Variants in ASTN2 observed in about 807,000 individuals in gnomAD.
ASTN2 encodes the protein astrotactin 2, also known as astrotactin-2.
In ASTN2, 54 loss-of-function variants were observed where a neutral mutation model predicts 139.8. That is an observed-to-expected ratio of 0.39 (90% CI 0.31 to 0.48). The LOEUF (loss-of-function observed/expected upper bound fraction) is 0.48. Ranked by LOEUF, ASTN2 falls within the 20% of genes least tolerant of loss-of-function variation. The pLI is 0.95. For synonymous variants in ASTN2, 756 were observed against 719.5 expected (o/e 1.05, Z -0.81); for missense variants, 1,565 against 1,725.1 (o/e 0.91, Z 1.64).
intron 1 of ASTN2, among the ~76,000 whole-genome samples, chr9:117,328,774 G>T (rs927888892): frequency 2.0e-5 from 3 of 152,164 alleles, no homozygotes; most frequent in Non-Finnish European, 4.4e-5. Context: ...CTGCCCCATG[G>T]ATGACCCAGC....
intron 6 of ASTN2, among the ~76,000 whole-genome samples, chr9:117,010,146 G>C (rs1408558686): frequency 2.0e-5 from 3 of 152,078 alleles, no homozygotes; most frequent in Non-Finnish European, 4.4e-5. Flanking sequence ...TTTCAAGTTG[G>C]CCCTAAAGTC....
intron 1 of ASTN2, among the ~76,000 whole-genome samples, chr9:117,340,229 G>A (rs1829022079): frequency 6.6e-6 from 1 of 150,694 alleles, no homozygotes; most frequent in African/African-American, 2.4e-5. Flanking sequence ...CGACTCGGGA[G>A]GCTGAGGCAG....
chr9:116,803,445 A>T (rs1423286328), intron 13 of ASTN2, among the ~76,000 whole-genome samples: 1 of 140,326 alleles, frequency 7.1e-6, no homozygotes, highest in Non-Finnish European at 1.5e-5. Context: ...CCTCCCAAGT[A>T]GCTGGGACTA....
chr9:117,410,343 G>T, intron 1 of ASTN2, among the ~76,000 whole-genome samples: 1 of 152,038 alleles, frequency 6.6e-6, no homozygotes, highest in East Asian at 1.9e-4. Context: ...AGAAGCCCTG[G>T]GCTGGCAGTT....
intron 1 of ASTN2, among the ~76,000 whole-genome samples, chr9:117,332,499 G>C (rs1238147229): frequency 6.6e-6 from 1 of 152,196 alleles, no homozygotes; most frequent in Middle Eastern, 3.2e-3. Flanking sequence ...CAGAGAGGCA[G>C]AGTTTGCAGT....
Position 116,699,416 on chromosome 9 carries a change from T to A in ASTN2, c.2806+26355A>T. On this transcript the variant is annotated intron_variant, in intron 16 of 22. Coordinates refer to ENST00000313400, the MANE Select transcript of ASTN2 (RefSeq NM_001365068.1). The surrounding 1 kb of genome is among the most constrained non-coding windows in gnomAD (Gnocchi z 4.2). ...TTTCCATTGGCTCTGTAGGCCCTGA[T>A]GGGCAGCTGGGTCGCCAGATTAGCC... 1 of 1,614,152 alleles carries A rather than the reference T, an allele frequency of 6.2e-7. No individual in the cohort carries two copies. Among genetic ancestry groups the A allele is most frequent in the Non-Finnish European group, 8.5e-7 (1 of 1,180,020 alleles).
chr9:116,798,274 C>T (rs900092025), intron 13 of ASTN2, among the ~76,000 whole-genome samples: 4 of 152,186 alleles, frequency 2.6e-5, no homozygotes, highest in African/African-American at 9.6e-5. Flanking sequence ...CTGTCCCAGA[C>T]AGACAAACAA....
chr9:116,667,458 A>C (rs1858935672), intron 16 of ASTN2, among the ~76,000 whole-genome samples: 1 of 152,228 alleles, frequency 6.6e-6, no homozygotes. Context: ...AGCAACAAAA[A>C]AACAAATTGC....
chr9:117,229,574 A>G (rs1375539906), intron 2 of ASTN2, among the ~76,000 whole-genome samples: 1 of 152,218 alleles, frequency 6.6e-6, no homozygotes, highest in African/African-American at 2.4e-5. Context: ...TGAGCCTGAG[A>G]TTGGAAAGAT....
At chr9:116,754,351 G>T (rs747763941) in intron 13 of ASTN2, among the ~76,000 whole-genome samples, 4 of 152,102 alleles carry the variant, frequency 2.6e-5, no homozygotes, top group African/African-American at 7.2e-5. Flanking sequence ...GGGTCAAATG[G>T]TATTTCTAGT....
At chr9:117,309,535 A>T (rs1827902684) in intron 1 of ASTN2, among the ~76,000 whole-genome samples, 1 of 152,230 alleles carries the variant, frequency 6.6e-6, no homozygotes, top group South Asian at 2.1e-4. Flanking sequence ...AGAAGGCAGG[A>T]AGATAGATGC....
chr9:116,746,833 T>C (rs1288395450), intron 13 of ASTN2, among the ~76,000 whole-genome samples: 1 of 152,154 alleles, frequency 6.6e-6, no homozygotes, highest in Non-Finnish European at 1.5e-5. Context: ...CCATGAGCAC[T>C]CGAGAGCAAG....
At chr9:116,715,484 T>C (rs749164554) in intron 16 of ASTN2, among the ~76,000 whole-genome samples, 1 of 152,124 alleles carries the variant, frequency 6.6e-6, no homozygotes, top group African/African-American at 2.4e-5. Context: ...ACCTTCCCAG[T>C]TGGCAAATGC....
At chr9:117,308,248 T>A (rs112195048) in intron 1 of ASTN2, among the ~76,000 whole-genome samples, 62 of 138,838 alleles carry the variant, frequency 4.5e-4, no homozygotes, top group African/African-American at 1.5e-3. Flanking sequence ...AATCAATCAA[T>A]CAAACAAACA....
At chr9:116,574,699 C>T (rs542595817) in intron 19 of ASTN2, among the ~76,000 whole-genome samples, 3 of 152,260 alleles carry the variant, frequency 2.0e-5, no homozygotes, top group South Asian at 2.1e-4. Flanking sequence ...AATGCTTGCC[C>T]GTTTCTACCG....
At chr9:116,509,687 T>C (rs1394465942) in intron 19 of ASTN2, among the ~76,000 whole-genome samples, 5 of 152,192 alleles carry the variant, frequency 3.3e-5, no homozygotes, top group Non-Finnish European at 7.3e-5. Context: ...TCTGACTTTT[T>C]AATGATTGCC....
chr9:116,658,221 A>T (rs1188042659), intron 16 of ASTN2, among the ~76,000 whole-genome samples: 1 of 152,138 alleles, frequency 6.6e-6, no homozygotes, highest in Non-Finnish European at 1.5e-5. Flanking sequence ...AACCCTCAGG[A>T]GTGCCACTTG....
At chr9:116,736,190 T>G (rs1399743250) in intron 13 of ASTN2, among the ~76,000 whole-genome samples, 1 of 152,236 alleles carries the variant, frequency 6.6e-6, no homozygotes, top group Admixed American at 6.5e-5. Flanking sequence ...CAATCTGATA[T>G]TTAAATTTTC....
chr9:116,689,834 A>T (rs1860473662), intron 16 of ASTN2, among the ~76,000 whole-genome samples: 1 of 152,164 alleles, frequency 6.6e-6, no homozygotes. Context: ...AGGCAGGATG[A>T]GGTGCAACGG....
Sources: gnomAD v4.1 joint callset for allele counts (sites outside exome capture counted in the v4.1 genomes callset) on GRCh38, gnomAD v4.1.1 for gene constraint, Gnocchi (gnomAD v3.1) non-coding constraint, MANE v1.5 for transcripts, NCBI Gene and HGNC (gene_info 2026-07-23, HGNC 2026-07-21) for gene names.